HOOK3: variants seen among roughly 807,000 people sequenced by gnomAD.
The protein encoded by HOOK3 is hook microtubule tethering protein 3, also known as protein Hook homolog 3.
A neutral mutation model predicts 116.3 loss-of-function variants in HOOK3; 24 were observed. The ratio of observed to expected loss-of-function variants is 0.21; its 90% CI spans 0.15 to 0.29. HOOK3 has a LOEUF of 0.29. Ranked by LOEUF, HOOK3 falls within the 10% of genes least tolerant of loss-of-function variation. HOOK3 has a pLI of 1.00. For synonymous variants in HOOK3, 275 were observed against 283.0 expected (o/e 0.97, Z 0.28); for missense variants, 632 against 830.2 (o/e 0.76, Z 2.93).
Position 42,982,621 on chromosome 8 carries a change from T to A in HOOK3, c.1322-6T>A, listed in dbSNP as rs747838004. 6 of 1,595,076 alleles carry A rather than the reference T, an allele frequency of 3.8e-6. No individual in the cohort carries two copies. Among genetic ancestry groups the A allele is most frequent in the Non-Finnish European group, 5.2e-6 (6 of 1,162,738 alleles). On this transcript the variant is annotated splice_region_variant and splice_polypyrimidine_tract_variant and intron_variant, in intron 13 of 21. Transcript: ENST00000307602. ...TAGCCTTATATTTATGTTTGTATAT[T>A]TACAGGGTTAATGCCTCTTGGAAGT...
At chr8:42,950,316 G>A in intron 5 of HOOK3, 72 bp from the exon 6 acceptor site, 2 of 936,686 alleles carry the variant, frequency 2.1e-6, no homozygotes, top group South Asian at 1.5e-5. Context: ...AAGAATTTAT[G>A]AAGTATGAGC....
chr8:43,008,190 T>C (rs1809529739), intron 18 of HOOK3, among the ~76,000 whole-genome samples: 1 of 151,900 alleles, frequency 6.6e-6, no homozygotes, highest in Admixed American at 6.6e-5. Context: ...GGCTAATTTT[T>C]TGTATTTTTA....
At chr8:42,973,522 T>C (rs1274752550) in intron 12 of HOOK3, 123 bp downstream of exon 12, 1 of 665,108 alleles carries the variant, frequency 1.5e-6, no homozygotes, top group African/African-American at 1.8e-5. Flanking sequence ...CCTATTTATT[T>C]TTAAGCTGTA....
intron 17 of HOOK3, 31 bp from the exon 18 acceptor site, chr8:43,007,816 G>A (rs372081494): frequency 2.4e-4 from 334 of 1,374,370 alleles, no homozygotes; most frequent in Non-Finnish European, 3.3e-4. Flanking sequence ...TACAGAAGCA[G>A]TAGTAGGTGA....
chr8:42,901,402 C>T (rs1285456770), intron 1 of HOOK3, among the ~76,000 whole-genome samples: 1 of 152,266 alleles, frequency 6.6e-6, no homozygotes, highest in South Asian at 2.1e-4. Flanking sequence ...AATTAAGGTA[C>T]GGTTTACATA....
At position 42,930,131 on chromosome 8, in the gene HOOK3, T is replaced by A. The variant is rs750297987; in HGVS notation, c.226T>A (p.Leu76Ile). The change falls in exon 4 of 22, where the codon TTA becomes ATA. Residue 76 changes from leucine (L) to isoleucine (I), a missense_variant. Leu to Ile is a conservative substitution (Grantham distance 5). Around this residue, in one of 3 missense-constraint regions of HOOK3, gnomAD observed 141 missense variants for 150.8 expected, o/e 0.93. Transcript: ENST00000307602. ...CTCTCTCTTTAAACAGATAAGCAAT[T>A]TAAAGAAAATTTTAAAAGGAATCTT... is the stretch of plus-strand genomic sequence containing the variant. ...GDNWRLKISN[L>I]KKILKGILDY... 9.0e-6 allele frequency: 14 copies of A among 1,552,288 alleles called. No homozygotes were observed. Among genetic ancestry groups the A allele is most frequent in the Non-Finnish European group, 1.2e-5 (14 of 1,148,404 alleles).
chr8:42,980,832 C>T (rs1253373322), intron 13 of HOOK3, among the ~76,000 whole-genome samples: 2 of 151,750 alleles, frequency 1.3e-5, no homozygotes, highest in African/African-American at 2.4e-5. Context: ...TGCAGTGAGC[C>T]GAGATCGCGC....
rs1267167104 is a variant in HOOK3, at chr8:43,026,849, G to C, written c.*8351G>C. ...AAGCATTCTGAGTTCCCCTGTAACAGATAGGTTTTATGAACTCAGCTGTTT... is the reference window on the plus strand; with the variant it reads ...AAGCATTCTGAGTTCCCCTGTAACACATAGGTTTTATGAACTCAGCTGTTT... On this transcript the variant is annotated 3_prime_UTR_variant, in exon 22 of 22. Coordinates refer to ENST00000307602, the MANE Select transcript of HOOK3 (RefSeq NM_032410.4). The C allele has an allele frequency of 3.7e-5, 8 of 216,678 alleles. No individual in the cohort carries two copies. The highest frequency in any genetic ancestry group is 1.9e-4 in the South Asian group (1 of 5,376). The allele number at this position is 216,678 out of a possible 1,614,324, so 13.4% of individuals were successfully genotyped here. A position where few individuals can be genotyped will look rare whatever the true frequency, so the allele number is the denominator to read the frequency against.
At chr8:42,954,680 C>G (rs1014291941) in intron 6 of HOOK3, among the ~76,000 whole-genome samples, 6 of 152,144 alleles carry the variant, frequency 3.9e-5, no homozygotes, top group African/African-American at 1.4e-4. Context: ...CCAGTATGTA[C>G]CAAGCACTGT....
At chr8:42,901,582 G>T (rs1480452684) in intron 1 of HOOK3, among the ~76,000 whole-genome samples, 1 of 152,062 alleles carries the variant, frequency 6.6e-6, no homozygotes, top group Non-Finnish European at 1.5e-5. Context: ...TTGCAGCAGA[G>T]GTGGACATCT....
intron 13 of HOOK3, among the ~76,000 whole-genome samples, chr8:42,977,079 G>A (rs563064812): frequency 6.6e-6 from 1 of 152,306 alleles, no homozygotes; most frequent in East Asian, 1.9e-4. Flanking sequence ...AATGGAGGCA[G>A]ATGTAAAGTA....
Position 42,918,893 on chromosome 8 carries a change from C to T in HOOK3, c.144-6664C>T, listed in dbSNP as rs529477684. On this transcript the variant is annotated intron_variant, in intron 2 of 21. Transcript: ENST00000307602. ...TTCCCCCTTTTCTATTCGACAAAAC[C>T]GCCATCGTCATCATGGCCCGTTCTC... is the stretch of plus-strand genomic sequence containing the variant. Among the ~76,000 whole-genome samples, 14 of 152,374 alleles carry T rather than the reference C, an allele frequency of 9.2e-5. No homozygotes were observed. The South Asian group carries it at 1.4e-3, about 16-fold the overall frequency.
chr8:43,029,943 C>T lies in HOOK3; in HGVS notation c.*11445C>T, dbSNP rs1420179491. The T allele has an allele frequency of 9.4e-6, 2 of 213,368 alleles. No individual in the cohort carries two copies. The highest frequency in any genetic ancestry group is 4.5e-5 in the African/African-American group (2 of 44,158). 13.2% of individuals were successfully genotyped at this position (213,368 alleles called of 1,614,324 possible). On this transcript the variant is annotated 3_prime_UTR_variant, in exon 22 of 22. Transcript: ENST00000307602. ...AATCCACCTTGCATTTTAGTCTTTG[C>T]AAAAAGGATATTGCTAGGTATATTC...
At chr8:42,976,132 T>C (rs770746429) in intron 13 of HOOK3, among the ~76,000 whole-genome samples, 2 of 152,132 alleles carry the variant, frequency 1.3e-5, no homozygotes, top group East Asian at 1.9e-4. Flanking sequence ...TCCTACTTTG[T>C]TGTAAATTGC....
intron 5 of HOOK3, among the ~76,000 whole-genome samples, chr8:42,946,591 C>T (rs1484025384): frequency 6.6e-6 from 1 of 151,596 alleles, no homozygotes; most frequent in Middle Eastern, 3.2e-3. Flanking sequence ...AAACAGATTT[C>T]TATTAACTTG....
chr8:42,913,020 T>A (rs940313465), intron 2 of HOOK3, among the ~76,000 whole-genome samples: 2 of 152,236 alleles, frequency 1.3e-5, no homozygotes, highest in East Asian at 3.8e-4. Flanking sequence ...CTTTTCAGAT[T>A]GACTTCTTTA....
chr8:43,008,055 C>T (rs534174872), intron 18 of HOOK3, 126 bp downstream of exon 18: 10 of 377,290 alleles, frequency 2.7e-5, no homozygotes, highest in African/African-American at 2.1e-4. Context: ...AAGTCTCACT[C>T]TCACCCAGGC....
Position 43,026,784 on chromosome 8 carries a change from G to A in HOOK3, c.*8286G>A. 4.4e-6 allele frequency: 1 copy of A among 227,730 alleles called. No individual in the cohort carries two copies. The highest frequency in any genetic ancestry group is 8.7e-6 in the Non-Finnish European group (1 of 114,490). The allele number at this position is 227,730 out of a possible 1,614,324, so 14.1% of individuals were successfully genotyped here. Reference sequence around the variant, plus strand: ...AGGATCAGGAAAATGGTGGGGAAGAGGTGACTGGAAAGGCAGGCACTAAAG... The same window carrying A: ...AGGATCAGGAAAATGGTGGGGAAGAAGTGACTGGAAAGGCAGGCACTAAAG... On this transcript the variant is annotated 3_prime_UTR_variant, in exon 22 of 22. Transcript: ENST00000307602.
intron 8 of HOOK3, among the ~76,000 whole-genome samples, chr8:42,960,181 T>C (rs1447958450): frequency 6.6e-6 from 1 of 152,256 alleles, no homozygotes; most frequent in Non-Finnish European, 1.5e-5. Flanking sequence ...ATTTGTATAC[T>C]GGATTGGCAA....
Sources: gnomAD v4.1 joint callset for allele counts (sites outside exome capture counted in the v4.1 genomes callset) on GRCh38, gnomAD v4.1.1 for gene constraint, gnomAD v4.1.1 regional missense constraint, MANE v1.5 for transcripts, NCBI Gene and HGNC (gene_info 2026-07-23, HGNC 2026-07-21) for gene names.